AKR1E2: variants seen among roughly 807,000 people sequenced by gnomAD.
The protein encoded by AKR1E2 is 1,5-anhydro-D-fructose reductase.
A neutral mutation model predicts 41.9 loss-of-function variants in AKR1E2; 43 were observed. The observed-to-expected ratio is 1.03, with a 90% CI of 0.80 to 1.32. AKR1E2 has a LOEUF of 1.32. Ranked by LOEUF, AKR1E2 falls within the 40% of genes most tolerant of loss-of-function variation. AKR1E2 has a pLI of 0.00. For synonymous variants in AKR1E2, 121 were observed against 138.9 expected, an observed-to-expected ratio of 0.87 and a Z score of 0.91; for missense variants, 423 against 396.5, an observed-to-expected ratio of 1.07 and a Z score of -0.57.
the AKR1E2 span, among the ~76,000 whole-genome samples, chr10:4,869,484 A>AG: frequency 4.0e-4 from 60 of 151,094 alleles, no homozygotes; most frequent in African/African-American, 1.4e-3. Context: ...TCTTTGCTTC[A>AG]TTTTTTTTCT....
chr10:4,846,949 A>T (rs1447812904), intron 8 of AKR1E2, among the ~76,000 whole-genome samples, 199 bp from the exon 9 acceptor site: 3 of 152,172 alleles, frequency 2.0e-5, no homozygotes, highest in Non-Finnish European at 2.9e-5. Context: ...GGCCAAGCCA[A>T]CACCAGTCAC....
intron 1 of AKR1E2, among the ~76,000 whole-genome samples, chr10:4,827,552 C>A (rs1832642579): frequency 6.6e-6 from 1 of 151,950 alleles, no homozygotes. Context: ...TTCACAATTC[C>A]TGCCAGTGAT....
At chr10:4,872,986 G>C in the AKR1E2 span, among the ~76,000 whole-genome samples, 8 of 152,142 alleles carry the variant, frequency 5.3e-5, no homozygotes. Context: ...GGAATGGCCA[G>C]TGGAAAGGCC....
At chr10:4,826,781 GAA>G (rs1204723826) in intron 1 of AKR1E2, among the ~76,000 whole-genome samples, 2 of 152,172 alleles carry the variant, frequency 1.3e-5, no homozygotes, top group African/African-American at 2.4e-5. Context: ...AGCAAAGAGA[GAA>G]AGAAAAGTTG....
chr10:4,854,543 T>C, the AKR1E2 span, among the ~76,000 whole-genome samples: 1,075 of 152,214 alleles, frequency 7.1e-3, 14 homozygotes, highest in African/African-American at 0.024. Context: ...GGGACTATAG[T>C]GAGGAACCCC....
chr10:4,842,523 T>C lies in AKR1E2; in HGVS notation c.837+19T>C. ...TATCCAGGTAGGTGTATTCCTTCTTTTATTTGGCGGGTTTCAGATCATGTG... is the reference window on the plus strand; with the variant it reads ...TATCCAGGTAGGTGTATTCCTTCTTCTATTTGGCGGGTTTCAGATCATGTG... On this transcript the variant is annotated intron_variant, in intron 8 of 9. Coordinates refer to ENST00000298375, the MANE Select transcript of AKR1E2 (RefSeq NM_001040177.3). 1 of 1,610,582 alleles carries C rather than the reference T, an allele frequency of 6.2e-7. No homozygotes were observed. Among genetic ancestry groups the C allele is most frequent in the Non-Finnish European group, 8.5e-7 (1 of 1,177,078 alleles).
At position 4,826,268 on chromosome 10, in the gene AKR1E2, G is replaced by T; in HGVS notation, c.-57G>T. 8.2e-7 allele frequency: 1 copy of T among 1,218,538 alleles called. No individual in the cohort carries two copies. The highest frequency in any genetic ancestry group is 1.0e-6 in the Non-Finnish European group (1 of 974,848). 75.5% of individuals were successfully genotyped at this position (1,218,538 alleles called of 1,614,324 possible). On this transcript the variant is annotated 5_prime_UTR_variant, in exon 1 of 10. Transcript: ENST00000298375. ...CGCCAGCGCCGCAGTAGCTCGCGCG[G>T]TGCCTGTCGGTAGTCGCGTGCGGGG...
At chr10:4,831,093 A>G (rs1013650229) in intron 2 of AKR1E2, among the ~76,000 whole-genome samples, 1 of 152,228 alleles carries the variant, frequency 6.6e-6, no homozygotes, top group African/African-American at 2.4e-5. Context: ...TCAGTTAGTG[A>G]TGGGCACTTT....
intron 2 of AKR1E2, among the ~76,000 whole-genome samples, chr10:4,831,754 G>C (rs1221118670): frequency 1.3e-5 from 2 of 152,212 alleles, no homozygotes; most frequent in Non-Finnish European, 2.9e-5. Context: ...TGGTGGATAG[G>C]CTAAGCCATG....
In AKR1E2 at chr10:4,847,148, G is replaced by T. The variant is rs1330004805; in HGVS notation, c.838G>T (p.Val280Leu). The change falls in exon 9 of 10, where the codon GTG becomes TTG. Residue 280 changes from valine to leucine, a missense_variant and splice_region_variant. By Grantham distance (32) the Val-to-Leu change is conservative. Transcript: ENST00000298375. ...TACAAACATTGTGTTTTGGTTCCAG[G>T]TGTTTGATTTTGAATTAACACAGCA... Reference protein sequence around the residue: ...TPSHIKENIQVFDFELTQHDM... With the variant: ...TPSHIKENIQLFDFELTQHDM... 1 of 1,613,340 alleles carries T rather than the reference G, an allele frequency of 6.2e-7. No homozygotes were observed. Among genetic ancestry groups the T allele is most frequent in the Non-Finnish European group, 8.5e-7 (1 of 1,179,862 alleles).
chr10:4,866,679 C>T, the AKR1E2 span, among the ~76,000 whole-genome samples: 7 of 131,034 alleles, frequency 5.3e-5, no homozygotes, highest in African/African-American at 1.1e-4. Flanking sequence ...GTCTCGCTGT[C>T]GCCCAGGCTG....
chr10:4,860,727 TAA>T, the AKR1E2 span, among the ~76,000 whole-genome samples: 2 of 152,370 alleles, frequency 1.3e-5, no homozygotes, highest in Non-Finnish European at 2.9e-5. Context: ...GTGCTCTCTC[TAA>T]TATATTGTGA....
chr10:4,870,319 T>C, the AKR1E2 span, among the ~76,000 whole-genome samples: 1 of 152,116 alleles, frequency 6.6e-6, no homozygotes, highest in Non-Finnish European at 1.5e-5. Context: ...CCAAACATCA[T>C]TTAGAAAACT....
At chr10:4,848,449 G>A (rs182270473), downstream of AKR1E2, among the ~76,000 whole-genome samples, 97 of 152,348 alleles carry the variant, frequency 6.4e-4, no homozygotes, top group African/African-American at 2.2e-3. Flanking sequence ...TGTCTTTGCT[G>A]TCTGCTCAGT....
the AKR1E2 span, among the ~76,000 whole-genome samples, chr10:4,858,091 G>C: frequency 6.4e-4 from 98 of 152,142 alleles, no homozygotes; most frequent in African/African-American, 2.1e-3. Context: ...ATTTTACCAT[G>C]TTAGTTTTAA....
At chr10:4,860,410 G>T in the AKR1E2 span, among the ~76,000 whole-genome samples, 1 of 152,186 alleles carries the variant, frequency 6.6e-6, no homozygotes. Flanking sequence ...GCAAGAGCCA[G>T]TTTTGATAGC....
At chr10:4,855,087 G>T in the AKR1E2 span, among the ~76,000 whole-genome samples, 1 of 152,256 alleles carries the variant, frequency 6.6e-6, no homozygotes, top group East Asian at 1.9e-4. Context: ...ACCACAAGTT[G>T]CCACCTGAAC....
the AKR1E2 span, among the ~76,000 whole-genome samples, chr10:4,872,149 C>A: frequency 6.6e-6 from 1 of 152,188 alleles, no homozygotes; most frequent in Non-Finnish European, 1.5e-5. Context: ...CACACATTCA[C>A]AAATATACCA....
intron 6 of AKR1E2, 21 bp downstream of exon 6, chr10:4,839,847 TGTTA>T (rs1286812491): frequency 6.2e-7 from 1 of 1,602,882 alleles, no homozygotes; most frequent in South Asian, 1.1e-5. Context: ...CTCAGTGGTG[TGTTA>T]GTCAGAGTCC....
Sources: gnomAD v4.1 joint callset for allele counts (sites outside exome capture counted in the v4.1 genomes callset) on GRCh38, gnomAD v4.1.1 for gene constraint, MANE v1.5 for transcripts, NCBI Gene and HGNC (gene_info 2026-07-23, HGNC 2026-07-21) for gene names.